The following CDC123 variants were observed in gnomAD, a reference collection of about 807,000 sequenced individuals.
The protein encoded by CDC123 is translation initiation factor eIF2 assembly protein.
CDC123 carries 37 observed loss-of-function variants against 54.4 expected under a neutral mutation model. That is an observed-to-expected ratio of 0.68 (90% CI 0.52 to 0.89). CDC123 has a LOEUF of 0.89. Ranked by LOEUF, CDC123 falls within the 40% of genes least tolerant of loss-of-function variation. The probability of loss-of-function intolerance (pLI) is 0.00; values close to 1 mark genes in which losing one functional copy is unlikely to be tolerated. For synonymous variants in CDC123, 144 were observed against 136.8 expected (o/e 1.05, Z -0.37); for missense variants, 361 against 412.1 (o/e 0.88, Z 1.07).
chr10:12,196,437 G>A (rs746679242), intron 1 of CDC123, 118 bp downstream of exon 1: 6 of 1,328,040 alleles, frequency 4.5e-6, no homozygotes, highest in Middle Eastern at 1.8e-4. Flanking sequence ...GAGGGAGTGT[G>A]TCGAGAGGGA....
At chr10:12,225,857 G>A (rs1588677394) in intron 6 of CDC123, among the ~76,000 whole-genome samples, 1 of 139,964 alleles carries the variant, frequency 7.1e-6, no homozygotes, top group Non-Finnish European at 1.5e-5. Flanking sequence ...AAGGTAAGCA[G>A]ATAAACATGT....
intron 6 of CDC123, among the ~76,000 whole-genome samples, chr10:12,230,249 G>A (rs1341037153): frequency 1.3e-5 from 2 of 151,632 alleles, no homozygotes; most frequent in Admixed American, 1.3e-4. Context: ...CTGGAGTTCA[G>A]TGGCACTGTC....
chr10:12,225,796 G>A (rs1043157415), intron 6 of CDC123, among the ~76,000 whole-genome samples: 2 of 80,064 alleles, frequency 2.5e-5, no homozygotes, highest in Non-Finnish European at 4.8e-5. Context: ...TCATTCTTGG[G>A]TGTTTCTCAG....
intron 2 of CDC123, among the ~76,000 whole-genome samples, chr10:12,209,517 G>A (rs1835567619): frequency 6.6e-6 from 1 of 152,114 alleles, no homozygotes; most frequent in African/African-American, 2.4e-5. Flanking sequence ...TTACAGGTGT[G>A]AGCCACCATG....
chr10:12,223,759 A>AT (rs199689329), intron 6 of CDC123, among the ~76,000 whole-genome samples: 5 of 151,084 alleles, frequency 3.3e-5, no homozygotes, highest in Admixed American at 1.3e-4. Flanking sequence ...CACTCCTTTT[A>AT]TTTTTTTTTG....
At chr10:12,213,400 A>G (rs1007850320) in intron 4 of CDC123, among the ~76,000 whole-genome samples, 9 of 152,314 alleles carry the variant, frequency 5.9e-5, no homozygotes, top group Admixed American at 3.3e-4. Context: ...TAGAAATTGT[A>G]TAGAGTAGTT....
chr10:12,234,925 A>G (rs779838199), intron 7 of CDC123, 123 bp from the exon 8 acceptor site: 4 of 676,146 alleles, frequency 5.9e-6, no homozygotes, highest in Non-Finnish European at 7.6e-6. Context: ...AGAATGTCAT[A>G]TGCCTCTTTT....
chr10:12,224,227 A>G (rs148481693), intron 6 of CDC123, among the ~76,000 whole-genome samples: 1 of 150,200 alleles, frequency 6.7e-6, no homozygotes, highest in Non-Finnish European at 1.5e-5. Context: ...ACATCTGATT[A>G]GTCATCAGTA....
chr10:12,249,127 CAA>C (rs58244020), intron 11 of CDC123, among the ~76,000 whole-genome samples: 63,047 of 133,644 alleles, frequency 0.47, 15,117 homozygotes, highest in Middle Eastern at 0.62. Flanking sequence ...GACTTTGCCT[CAA>C]AAAAAAAAAA....
At chr10:12,243,265 G>T (rs1836084356) in intron 10 of CDC123, among the ~76,000 whole-genome samples, 1 of 151,914 alleles carries the variant, frequency 6.6e-6, no homozygotes, top group South Asian at 2.1e-4. Context: ...AGGCGTGGTG[G>T]TGCATACCTG....
At chr10:12,231,105 G>A in intron 7 of CDC123, 109 bp downstream of exon 7, 2 of 988,120 alleles carry the variant, frequency 2.0e-6, no homozygotes, top group South Asian at 3.1e-5. Context: ...ATTTCTTCGG[G>A]AACCTAAAGC....
intron 8 of CDC123, among the ~76,000 whole-genome samples, chr10:12,235,416 G>A (rs1835966429): frequency 2.0e-5 from 3 of 152,118 alleles, no homozygotes; most frequent in Admixed American, 6.6e-5. Context: ...CAGGAACTCT[G>A]TGTATGGAAT....
chr10:12,246,039 C>T (rs1836130494), intron 10 of CDC123, 110 bp from the exon 11 acceptor site: 30 of 1,202,638 alleles, frequency 2.5e-5, no homozygotes, highest in Non-Finnish European at 2.9e-5. Context: ...CAGTGCACTG[C>T]AGCCTGGGCA....
intron 6 of CDC123, among the ~76,000 whole-genome samples, chr10:12,224,692 T>C (rs1835781751): frequency 6.6e-6 from 1 of 152,256 alleles, no homozygotes; most frequent in African/African-American, 2.4e-5. Flanking sequence ...TTTGGTACTT[T>C]GTTGAAAATT....
At chr10:12,248,603 C>T (rs10906108) in intron 11 of CDC123, among the ~76,000 whole-genome samples, 6,315 of 148,826 alleles carry the variant, frequency 0.042, 351 homozygotes, top group African/African-American at 0.12. Context: ...GTTGGGAGTT[C>T]GAGACCATCC....
chr10:12,220,911 A>C, intron 6 of CDC123, among the ~76,000 whole-genome samples: 1 of 151,854 alleles, frequency 6.6e-6, no homozygotes, highest in South Asian at 2.1e-4. Flanking sequence ...CGGGAGGCGG[A>C]GCTTGCAGTG....
intron 6 of CDC123, among the ~76,000 whole-genome samples, chr10:12,222,096 G>A (rs1254308929): frequency 6.6e-6 from 1 of 152,234 alleles, no homozygotes; most frequent in Non-Finnish European, 1.5e-5. Flanking sequence ...TGGCTGCTTA[G>A]ATGAGTCAGC....
In CDC123 at chr10:12,216,243, G is replaced by A. The variant is rs1432341510; in HGVS notation, c.333+408G>A. Among the ~76,000 whole-genome samples the A allele has an allele frequency of 2.0e-5, 3 of 152,160 alleles. No homozygotes were observed. In the South Asian group the frequency reaches 6.2e-4, roughly 32 times the overall value. ...AAGTCAACTGATCTTTTCTTAAATT[G>A]TGTCTTATTATTTTAATACTGCATT... On this transcript the variant is annotated intron_variant, in intron 5 of 12. Transcript: ENST00000281141.
At chr10:12,217,508 TTG>T in intron 6 of CDC123, 41 bp downstream of exon 6, 1 of 1,593,496 alleles carries the variant, frequency 6.3e-7, no homozygotes, top group Non-Finnish European at 8.6e-7. Context: ...GTTTCAGTAT[TTG>T]TGCAAATTTC....
Sources: gnomAD v4.1 joint callset for allele counts (sites outside exome capture counted in the v4.1 genomes callset) on GRCh38, gnomAD v4.1.1 for gene constraint, MANE v1.5 for transcripts, NCBI Gene and HGNC (gene_info 2026-07-23, HGNC 2026-07-21) for gene names.